Variants in CHCHD3 observed in about 807,000 individuals in gnomAD.
CHCHD3 encodes MICOS complex subunit MIC19.
A neutral mutation model predicts 38.2 loss-of-function variants in CHCHD3; 20 were observed. The observed-to-expected ratio is 0.52, with a 90% CI of 0.37 to 0.76. The LOEUF is 0.76. CHCHD3 is among the 30% of genes least tolerant of loss of function. The pLI is 0.00. For missense variants in CHCHD3, 245 were observed against 279.2 expected, an observed-to-expected ratio of 0.88 and a Z score of 0.87; for synonymous variants, 82 against 100.0, an observed-to-expected ratio of 0.82 and a Z score of 1.07.
intron 5 of CHCHD3, among the ~76,000 whole-genome samples, chr7:132,842,824 G>A (rs1807974977): frequency 6.6e-6 from 1 of 152,102 alleles, no homozygotes; most frequent in African/African-American, 2.4e-5. Flanking sequence ...GGTTGACCTT[G>A]ATTACCTGAT....
intron 3 of CHCHD3, among the ~76,000 whole-genome samples, chr7:133,016,144 T>C (rs1012084427): frequency 3.9e-5 from 6 of 152,196 alleles, no homozygotes; most frequent in Admixed American, 1.3e-4. Context: ...CCAAACCATA[T>C]AACTTGGTAA....
intron 3 of CHCHD3, among the ~76,000 whole-genome samples, chr7:132,989,324 T>C (rs1354701909): frequency 6.6e-6 from 1 of 152,086 alleles, no homozygotes; most frequent in African/African-American, 2.4e-5. Flanking sequence ...ATAGAAAAGG[T>C]GATTTTATTT....
intron 2 of CHCHD3, among the ~76,000 whole-genome samples, chr7:133,034,138 C>T (rs1413689200): frequency 6.6e-6 from 1 of 152,148 alleles, no homozygotes; most frequent in Admixed American, 6.5e-5. Context: ...CACAGGATAG[C>T]GCTTGACCAT....
At chr7:132,829,241 A>T (rs1042496624) in intron 6 of CHCHD3, among the ~76,000 whole-genome samples, 1 of 152,180 alleles carries the variant, frequency 6.6e-6, no homozygotes, top group Admixed American at 6.5e-5. Context: ...CAATAAACAA[A>T]TTCCAAAATA....
intron 3 of CHCHD3, among the ~76,000 whole-genome samples, chr7:133,008,336 G>A (rs983464430): frequency 4.1e-5 from 6 of 147,302 alleles, no homozygotes; most frequent in East Asian, 4.0e-4. Flanking sequence ...TCCCAGACTC[G>A]GCAGATTAAG....
chr7:133,046,856 C>A (rs1324965675), intron 2 of CHCHD3, among the ~76,000 whole-genome samples: 1 of 152,194 alleles, frequency 6.6e-6, no homozygotes, highest in Non-Finnish European at 1.5e-5. Flanking sequence ...AGCCACCGCA[C>A]CCGGCCATAT....
At chr7:133,043,771 A>G (rs1183408273) in intron 2 of CHCHD3, among the ~76,000 whole-genome samples, 2 of 152,176 alleles carry the variant, frequency 1.3e-5, no homozygotes, top group East Asian at 3.9e-4. Context: ...TGACAGGATA[A>G]AAGATTTCAG....
At chr7:132,877,381 AT>A (rs1808939446) in intron 5 of CHCHD3, among the ~76,000 whole-genome samples, 1 of 152,178 alleles carries the variant, frequency 6.6e-6, no homozygotes, top group South Asian at 2.1e-4. Flanking sequence ...GGGAAAAAAA[AT>A]ATCTTGCTTG....
At chr7:133,044,241 A>G (rs148576558) in intron 2 of CHCHD3, among the ~76,000 whole-genome samples, 2 of 152,214 alleles carry the variant, frequency 1.3e-5, no homozygotes, top group Non-Finnish European at 2.9e-5. Context: ...AAATACTTAA[A>G]TAATTGTTTT....
In CHCHD3 at chr7:132,983,134, C is replaced by T. The variant is rs10274236; in HGVS notation, c.252-7848G>A. Among the ~76,000 whole-genome samples the T allele has an allele frequency of 1.6e-3, 247 of 151,798 alleles. 1 individual carries two copies. Among genetic ancestry groups the T allele is most frequent in the African/African-American group, 5.8e-3 (241 of 41,396 alleles). ...GTCAGGAGTTCGAGACCAGCCTAGC[C>T]AACATGGCGAAACCCCATCTCCATT... On this transcript the variant is annotated intron_variant, in intron 3 of 7. Transcript: ENST00000262570.
chr7:132,990,288 T>C (rs1812240733), intron 3 of CHCHD3, among the ~76,000 whole-genome samples: 2 of 152,232 alleles, frequency 1.3e-5, no homozygotes. Flanking sequence ...CATCCTCCCC[T>C]GTAGCATCCT....
chr7:132,908,227 G>A (rs1195465093), intron 4 of CHCHD3, among the ~76,000 whole-genome samples: 1 of 152,128 alleles, frequency 6.6e-6, no homozygotes, highest in Non-Finnish European at 1.5e-5. Context: ...AGAGAATCAT[G>A]CTGCCACGGT....
At chr7:133,018,875 C>CCTT (rs1813096955) in intron 3 of CHCHD3, among the ~76,000 whole-genome samples, 3 of 70,150 alleles carry the variant, frequency 4.3e-5, no homozygotes, top group Non-Finnish European at 7.4e-5. Context: ...CATGATTTCT[C>CCTT]TTTTTTTTTT....
intron 1 of CHCHD3, among the ~76,000 whole-genome samples, chr7:133,074,684 G>GA (rs1476099304): frequency 6.6e-6 from 1 of 151,840 alleles, no homozygotes; most frequent in Non-Finnish European, 1.5e-5. Flanking sequence ...TCTTAAAGAG[G>GA]AAAAAATAAG....
At chr7:132,793,085 C>G (rs140285639) in intron 7 of CHCHD3, among the ~76,000 whole-genome samples, 19 of 152,304 alleles carry the variant, frequency 1.2e-4, no homozygotes, top group Non-Finnish European at 2.8e-4. Context: ...TGAGCAAATA[C>G]TATTGGCTTC....
At chr7:132,983,912 T>A (rs1257878300) in intron 3 of CHCHD3, among the ~76,000 whole-genome samples, 4 of 152,100 alleles carry the variant, frequency 2.6e-5, no homozygotes, top group Non-Finnish European at 5.9e-5. Flanking sequence ...CCCCTGCATG[T>A]TTTGAGAAAT....
chr7:132,912,305 T>C (rs1809972548), intron 4 of CHCHD3, among the ~76,000 whole-genome samples: 1 of 152,212 alleles, frequency 6.6e-6, no homozygotes, highest in Non-Finnish European at 1.5e-5. Context: ...CAATTTCTGG[T>C]TAGTAACTGT....
At chr7:132,819,684 G>T (rs1267843843) in intron 6 of CHCHD3, among the ~76,000 whole-genome samples, 3 of 152,138 alleles carry the variant, frequency 2.0e-5, no homozygotes, top group Non-Finnish European at 2.9e-5. Context: ...AACACACAGG[G>T]AACAATTAAT....
chr7:132,993,428 T>C (rs1812333953), intron 3 of CHCHD3, among the ~76,000 whole-genome samples: 1 of 152,244 alleles, frequency 6.6e-6, no homozygotes, highest in African/African-American at 2.4e-5. Flanking sequence ...GTAATCGTTG[T>C]CAATGCTACA....
Sources: allele counts gnomAD v4.1 joint callset (sites outside exome capture counted in the v4.1 genomes callset), GRCh38; gene constraint gnomAD v4.1.1; transcripts MANE v1.5; gene names NCBI Gene and HGNC (gene_info 2026-07-23, HGNC 2026-07-21).